NDUFS1: variants seen among roughly 807,000 people sequenced by gnomAD.
NDUFS1 encodes NADH:ubiquinone oxidoreductase core subunit S1.
Under a neutral mutation model 84.4 loss-of-function variants are expected in NDUFS1, and 61 were observed. The ratio of observed to expected loss-of-function variants is 0.72; its 90% CI spans 0.59 to 0.89. NDUFS1 has a LOEUF of 0.89. Ranked by LOEUF, NDUFS1 falls within the 40% of genes least tolerant of loss-of-function variation. The pLI is 0.00. For synonymous variants in NDUFS1, 275 were observed against 290.0 expected, an observed-to-expected ratio of 0.95 and a Z score of 0.53; for missense variants, 891 against 890.0, an observed-to-expected ratio of 1.00 and a Z score of -0.01.
rs1306004847 is a variant in NDUFS1 at position 206,119,458 on chromosome 2, G to C, written c.*4727C>G. The C allele has an allele frequency of 6.6e-6, 1 of 152,100 alleles. No homozygotes were observed. The highest frequency in any genetic ancestry group is 1.9e-4 in the East Asian group (1 of 5,184). The allele number at this position is 152,100 out of a possible 1,614,324, so 9.4% of individuals were successfully genotyped here. A position where few individuals can be genotyped will look rare whatever the true frequency, so the allele number is the denominator to read the frequency against. On this transcript the variant is annotated 3_prime_UTR_variant, in exon 19 of 19. Coordinates refer to ENST00000233190, the MANE Select transcript of NDUFS1 (RefSeq NM_005006.7). ...AGAGTCTCACTCTGTCACCCAGGCT[G>C]GAGTGCAACGGTGCAATCTTGACTC...
chr2:206,140,818 A>C (rs1691908008), intron 12 of NDUFS1, among the ~76,000 whole-genome samples: 1 of 151,794 alleles, frequency 6.6e-6, no homozygotes. Flanking sequence ...CCTTGTTCTC[A>C]GGAAATCCAC....
Position 206,116,022 on chromosome 2 carries a change from GCTATT to G in NDUFS1, c.*8158_*8162del. ...TTTCCCATGGGTAATGCTAAAAGTT[GCTATT>G]CTAAGTCTTCTATCCACCACTAATT... On this transcript the variant is annotated 3_prime_UTR_variant, in exon 19 of 19. Transcript: ENST00000233190. The G allele has an allele frequency of 1.3e-6, 1 of 778,896 alleles. No individual in the cohort carries two copies. Among genetic ancestry groups the G allele is most frequent in the South Asian group, 1.4e-5 (1 of 72,836 alleles). 48.2% of individuals were successfully genotyped at this position (778,896 alleles called of 1,614,324 possible). A position where few individuals can be genotyped will look rare whatever the true frequency, so the allele number is the denominator to read the frequency against.
In NDUFS1 at chr2:206,147,037, T is replaced by G. The variant is rs1204860951; in HGVS notation, c.603A>C (p.Gly201=). The G allele has an allele frequency of 1.2e-6, 2 of 1,614,026 alleles. No homozygotes were observed. Among genetic ancestry groups the G allele is most frequent in the Non-Finnish European group, 1.7e-6 (2 of 1,180,026 alleles). Residue 201 remains glycine (G), a synonymous_variant, in exon 8 of 19, where the codon GGA becomes GGC. Coordinates refer to ENST00000233190, the MANE Select transcript of NDUFS1 (RefSeq NM_005006.7). The part of the protein sequence containing the change: ...GVDDLGTTGR[G]NDMQVGTYIE... ...TGTATGTGCCAACTTGCATATCATT[T>G]CCTCTGCCTGTTGTTCCCAAATCAT...
intron 18 of NDUFS1, among the ~76,000 whole-genome samples, chr2:206,124,788 G>A (rs1211264408): frequency 6.6e-6 from 1 of 151,178 alleles, no homozygotes; most frequent in Non-Finnish European, 1.5e-5. Context: ...GCAGTGAGCC[G>A]AGATCACACC....
intron 1 of NDUFS1, 196 bp downstream of exon 1, chr2:206,159,145 C>A (rs1243107816): frequency 6.5e-7 from 1 of 1,535,722 alleles, no homozygotes. Context: ...TTCTTTTCTG[C>A]TTCATCAGAC....
Position 206,132,952 on chromosome 2 carries a change from G to T in NDUFS1, c.1546C>A (p.Leu516Ile). 1 of 1,612,646 alleles carries T rather than the reference G, an allele frequency of 6.2e-7. No individual in the cohort carries two copies. The highest frequency in any genetic ancestry group is 8.5e-7 in the Non-Finnish European group (1 of 1,178,916). Residue 516 changes from leucine (L) to isoleucine (I), a missense_variant, in exon 14 of 19, where the codon CTT becomes ATT. Coordinates refer to ENST00000233190, the MANE Select transcript of NDUFS1 (RefSeq NM_005006.7). ...VTGDWKVMNI[L>I]HRIASQVAAL... The stretch of plus-strand genomic sequence containing the variant: ...AGCAATTACTCAACAAACCTATGAA[G>T]GATATTCATAACTTTCCAATCACCA...
At chr2:206,158,469 T>C (rs1559070087) in intron 1 of NDUFS1, among the ~76,000 whole-genome samples, 1 of 152,234 alleles carries the variant, frequency 6.6e-6, no homozygotes, top group Non-Finnish European at 1.5e-5. Context: ...TTATTCTTCT[T>C]TACGGACTCA....
chr2:206,115,676 C>T lies in NDUFS1; in HGVS notation c.*8509G>A. ...TAAGATAGTGTTGTTCTTCATCTGA[C>T]ACTGTACAAGCAACAAAAACTTCTT... On this transcript the variant is annotated 3_prime_UTR_variant, in exon 19 of 19. Transcript: ENST00000233190. 2.6e-6 allele frequency: 1 copy of T among 387,386 alleles called. No homozygotes were observed. The highest frequency in any genetic ancestry group is 3.6e-5 in the Admixed American group (1 of 27,836). 24.0% of individuals were successfully genotyped at this position (387,386 alleles called of 1,614,324 possible).
Position 206,149,932 on chromosome 2 carries a change from GTAAA to G in NDUFS1, c.154-11_154-8del. On this transcript the variant is annotated splice_polypyrimidine_tract_variant and splice_region_variant and intron_variant, in intron 3 of 18. Coordinates refer to ENST00000233190, the MANE Select transcript of NDUFS1 (RefSeq NM_005006.7). ...TGCCAACCTTCTCACAAGCCTAGAA[GTAAA>G]AAAAAAAAAAAAAAAAAAAAAAGCA... 1 of 254,296 alleles carries G rather than the reference GTAAA, an allele frequency of 3.9e-6. No homozygotes were observed. 15.8% of individuals were successfully genotyped at this position (254,296 alleles called of 1,614,324 possible). A position where few individuals can be genotyped will look rare whatever the true frequency, so the allele number is the denominator to read the frequency against.
At chr2:206,128,523 A>C (rs970011028) in intron 15 of NDUFS1, among the ~76,000 whole-genome samples, 1 of 151,212 alleles carries the variant, frequency 6.6e-6, no homozygotes, top group Non-Finnish European at 1.5e-5. Context: ...CATGCCTGTG[A>C]TCCCAGCACT....
rs542720587 is a variant in NDUFS1 at position 206,153,561 on chromosome 2, T to C, written c.61+57A>G. On this transcript the variant is annotated intron_variant, in intron 2 of 18. Transcript: ENST00000233190. ...TTTGATAAACTATGCCATAGACTTA[T>C]AAATTTACAAAAATAAGGTCTAATA... The C allele has an allele frequency of 1.0e-4, 108 of 1,059,756 alleles. No individual in the cohort carries two copies. In the African/African-American group the frequency reaches 1.4e-3, roughly 14 times the overall value. The allele number at this position is 1,059,756 out of a possible 1,614,324, so 65.6% of individuals were successfully genotyped here.
intron 14 of NDUFS1, among the ~76,000 whole-genome samples, chr2:206,132,121 G>C (rs7559068): frequency 0.026 from 3,993 of 151,462 alleles, 178 homozygotes; most frequent in African/African-American, 0.092. Flanking sequence ...TGAGACTCTG[G>C]TCTCAAAAAA....
chr2:206,151,724 C>G (rs1692376895), intron 3 of NDUFS1, among the ~76,000 whole-genome samples: 1 of 152,132 alleles, frequency 6.6e-6, no homozygotes, highest in African/African-American at 2.4e-5. Flanking sequence ...CTCCATTTAC[C>G]TGCTTTGTAG....
At chr2:206,142,480 G>A (rs908894740) in intron 11 of NDUFS1, among the ~76,000 whole-genome samples, 1 of 152,242 alleles carries the variant, frequency 6.6e-6, no homozygotes, top group Admixed American at 6.5e-5. Flanking sequence ...CTCCCAGAGT[G>A]CTGGGATTAC....
rs1692463287 is a variant in NDUFS1, at chr2:206,153,702, T to A, written c.-4-20A>T. 2 of 1,316,682 alleles carry A rather than the reference T, an allele frequency of 1.5e-6. No homozygotes were observed. The highest frequency in any genetic ancestry group is 2.3e-5 in the East Asian group (1 of 43,288). The allele number at this position is 1,316,682 out of a possible 1,614,324, so 81.6% of individuals were successfully genotyped here. A position where few individuals can be genotyped will look rare whatever the true frequency, so the allele number is the denominator to read the frequency against. On this transcript the variant is annotated intron_variant, in intron 1 of 18. Transcript: ENST00000233190. ...ATATTGCTAAAAATAAAACAAAGAA[T>A]TATATTATTGTAGGGAAAAAAACAA...
rs753038207 is a variant in NDUFS1 at position 206,126,926 on chromosome 2, G to C, written c.1885-82C>G. On this transcript the variant is annotated intron_variant, in intron 16 of 18. Coordinates refer to ENST00000233190, the MANE Select transcript of NDUFS1 (RefSeq NM_005006.7). ...AATAATAGATAATTGTAACTATGGT[G>C]AAATAATGCAGCACTACTGAAAAAC... The C allele has an allele frequency of 4.3e-4, 657 of 1,535,432 alleles. 2 individuals are homozygous for C. The highest frequency in any genetic ancestry group is 3.5e-4 in the Non-Finnish European group (393 of 1,119,564).
At chr2:206,154,176 T>C (rs1687530618) in intron 1 of NDUFS1, among the ~76,000 whole-genome samples, 1 of 152,258 alleles carries the variant, frequency 6.6e-6, no homozygotes, top group Admixed American at 6.5e-5. Context: ...GGTGTCTTGA[T>C]TGCTATTTTC....
chr2:206,157,122 T>C (rs1481670055), intron 1 of NDUFS1, among the ~76,000 whole-genome samples: 1 of 152,192 alleles, frequency 6.6e-6, no homozygotes, highest in Non-Finnish European at 1.5e-5. Context: ...CGGCTAATTT[T>C]TGTATTTTCA....
At chr2:206,145,356 T>C (rs1424404043) in intron 8 of NDUFS1, among the ~76,000 whole-genome samples, 2 of 152,082 alleles carry the variant, frequency 1.3e-5, no homozygotes, top group Non-Finnish European at 2.9e-5. Context: ...GAACTACTGG[T>C]CTCAAGCAAT....
Sources: allele counts gnomAD v4.1 joint callset (sites outside exome capture counted in the v4.1 genomes callset), GRCh38; gene constraint gnomAD v4.1.1; transcripts MANE v1.5; gene names NCBI Gene and HGNC (gene_info 2026-07-23, HGNC 2026-07-21).